Variants in LINGO2 observed in about 807,000 individuals in gnomAD.
LINGO2 encodes the protein leucine-rich repeat and immunoglobulin-like domain-containing nogo receptor-interacting protein 2.
A neutral mutation model predicts 30.6 loss-of-function variants in LINGO2; 14 were observed. That is an observed-to-expected ratio of 0.46 (90% CI 0.30 to 0.72). The LOEUF is 0.72. LINGO2 is among the 30% of genes least tolerant of loss of function. The pLI is 0.07. For missense variants in LINGO2, 729 were observed against 751.7 expected (o/e 0.97, Z 0.35); for synonymous variants, 317 against 288.5 (o/e 1.10, Z -1.00).
chr9:29,179,155 GTAAATATATATATA>G, the LINGO2 span, among the ~76,000 whole-genome samples: 32 of 70,650 alleles, frequency 4.5e-4, 1 homozygote, highest in Admixed American at 5.8e-3. Flanking sequence ...CCTTCTTACT[GTAAATATATATATA>G]TATATATATA....
At chr9:28,051,765 T>C (rs2133063463) in intron 4 of LINGO2, among the ~76,000 whole-genome samples, 1 of 152,130 alleles carries the variant, frequency 6.6e-6, no homozygotes, top group Middle Eastern at 3.4e-3. Flanking sequence ...TCACTGGAAT[T>C]TCAGGAATTT....
In LINGO2 at chr9:28,145,095, T is replaced by C. The variant is rs569362010; in HGVS notation, c.-86-132690A>G. 2.6e-5 allele frequency among the ~76,000 whole-genome samples: 4 copies of C among 152,302 alleles called. No individual in the cohort carries two copies. The East Asian group carries it at 7.7e-4, about 29-fold the overall frequency. Reference sequence around the variant, plus strand: ...AATGTCACCTTTTCTCTTTTCTCCATCCATCACTGCATTGTCACAGTGTTC... The same window carrying C: ...AATGTCACCTTTTCTCTTTTCTCCACCCATCACTGCATTGTCACAGTGTTC... On this transcript the variant is annotated intron_variant, in intron 4 of 5. Transcript: ENST00000379992.
At chr9:27,957,989 T>G (rs919926227) in intron 5 of LINGO2, among the ~76,000 whole-genome samples, 1 of 152,238 alleles carries the variant, frequency 6.6e-6, no homozygotes, top group Non-Finnish European at 1.5e-5. Context: ...TCTTGTACAA[T>G]GTCAAATAGA....
chr9:28,962,486 C>A, the LINGO2 span, among the ~76,000 whole-genome samples: 1 of 151,842 alleles, frequency 6.6e-6, no homozygotes, highest in African/African-American at 2.4e-5. Context: ...AATAAATATG[C>A]CTAACTTTCT....
the LINGO2 span, among the ~76,000 whole-genome samples, chr9:28,878,365 G>T: frequency 6.6e-6 from 1 of 152,060 alleles, no homozygotes; most frequent in Non-Finnish European, 1.5e-5. Context: ...CAACCAAAAA[G>T]AGTCCAGGAC....
intron 3 of LINGO2, among the ~76,000 whole-genome samples, chr9:28,349,162 G>A (rs1034981250): frequency 1.4e-4 from 21 of 152,322 alleles, no homozygotes; most frequent in East Asian, 9.7e-4. Context: ...TGACTTTGAC[G>A]AGCTGAGAGA....
the LINGO2 span, among the ~76,000 whole-genome samples, chr9:28,797,772 G>A: frequency 6.6e-6 from 1 of 152,046 alleles, no homozygotes; most frequent in Non-Finnish European, 1.5e-5. Context: ...AAAAGTTGAT[G>A]ATAATTGAGA....
the LINGO2 span, among the ~76,000 whole-genome samples, chr9:28,744,642 T>TGTGTGTGTGTG: frequency 1.0e-5 from 1 of 97,950 alleles, no homozygotes; most frequent in Non-Finnish European, 2.2e-5. Context: ...GTGTGTGTAT[T>TGTGTGTGTGTG]TTTTTTTTTT....
chr9:28,407,664 A>G (rs550929509), intron 2 of LINGO2, among the ~76,000 whole-genome samples: 1 of 152,326 alleles, frequency 6.6e-6, no homozygotes, highest in South Asian at 2.1e-4. Flanking sequence ...GAAATGACGC[A>G]TGCTAAAGGG....
intron 4 of LINGO2, among the ~76,000 whole-genome samples, chr9:28,070,756 G>T (rs1303167955): frequency 6.6e-6 from 1 of 152,068 alleles, no homozygotes; most frequent in African/African-American, 2.4e-5. Context: ...CTGTCACCCA[G>T]GCTTGAGTGC....
At chr9:28,446,363 T>C (rs977080696) in intron 2 of LINGO2, among the ~76,000 whole-genome samples, 2 of 152,244 alleles carry the variant, frequency 1.3e-5, no homozygotes, top group Admixed American at 1.3e-4. Context: ...AATACTGGAA[T>C]GCTTGGCCAT....
chr9:28,871,115 C>T, the LINGO2 span, among the ~76,000 whole-genome samples: 76 of 151,370 alleles, frequency 5.0e-4, 1 homozygote, highest in African/African-American at 1.7e-3. Context: ...AAGTGGGAAC[C>T]AATTTAAATA....
intron 1 of LINGO2, among the ~76,000 whole-genome samples, chr9:28,590,377 A>C (rs1438650352): frequency 1.3e-5 from 2 of 152,100 alleles, no homozygotes; most frequent in Non-Finnish European, 2.9e-5. Flanking sequence ...CAACCTACAG[A>C]ATGGGAGAAA....
intron 2 of LINGO2, among the ~76,000 whole-genome samples, chr9:28,399,022 G>C (rs1437470457): frequency 2.6e-5 from 4 of 152,102 alleles, no homozygotes; most frequent in African/African-American, 4.8e-5. Context: ...ATTATTCAAA[G>C]GCATTTGCCC....
chr9:28,148,360 T>G lies in LINGO2; in HGVS notation c.-86-135955A>C. The G allele has an allele frequency of 6.7e-6, 7 of 1,041,580 alleles. No individual in the cohort carries two copies. Among genetic ancestry groups the G allele is most frequent in the Non-Finnish European group, 1.0e-5 (7 of 695,914 alleles). 64.5% of individuals were successfully genotyped at this position (1,041,580 alleles called of 1,614,324 possible). ...ACCTCAGCCCCGTGAGGATTCCTCATCTCAGAGGCAAGTTTAACCTTCAAC... is the reference window on the plus strand; with the variant it reads ...ACCTCAGCCCCGTGAGGATTCCTCAGCTCAGAGGCAAGTTTAACCTTCAAC... On this transcript the variant is annotated intron_variant, in intron 4 of 5. Coordinates refer to ENST00000379992, the Ensembl canonical transcript of LINGO2. This position sits in a 1 kb window ranked among gnomAD's most constrained non-coding sequence, Gnocchi z 5.1.
At chr9:28,883,483 C>G in the LINGO2 span, among the ~76,000 whole-genome samples, 2 of 151,600 alleles carry the variant, frequency 1.3e-5, no homozygotes, top group African/African-American at 4.8e-5. Flanking sequence ...TCAAACACAA[C>G]TTCCCAAGGA....
chr9:28,346,155 C>T (rs1214581308), intron 3 of LINGO2, among the ~76,000 whole-genome samples: 1 of 152,050 alleles, frequency 6.6e-6, no homozygotes, highest in Non-Finnish European at 1.5e-5. Context: ...TATTTTGTTA[C>T]CCAGATACTA....
At chr9:28,875,061 G>A in the LINGO2 span, among the ~76,000 whole-genome samples, 1 of 151,988 alleles carries the variant, frequency 6.6e-6, no homozygotes, top group Non-Finnish European at 1.5e-5. Flanking sequence ...ACACAGCTTG[G>A]CCTTGAAAAA....
intron 4 of LINGO2, among the ~76,000 whole-genome samples, chr9:28,049,202 G>A (rs536958794): frequency 1.3e-5 from 2 of 150,794 alleles, no homozygotes; most frequent in East Asian, 3.9e-4. Flanking sequence ...GTCATCCCTT[G>A]TACTCACCCA....
Sources: allele counts gnomAD v4.1 joint callset (sites outside exome capture counted in the v4.1 genomes callset), GRCh38; gene constraint gnomAD v4.1.1; non-coding constraint Gnocchi (gnomAD v3.1); transcripts MANE v1.5; gene names NCBI Gene and HGNC (gene_info 2026-07-23, HGNC 2026-07-21).